Variants in PSMD11 observed in about 807,000 individuals in gnomAD.
PSMD11 encodes proteasome 26S subunit, non-ATPase 11.
PSMD11 carries 5 observed loss-of-function variants against 62.3 expected under a neutral mutation model. The observed-to-expected ratio is 0.08, with a 90% CI of 0.04 to 0.17. PSMD11 has a LOEUF of 0.17. PSMD11 is among the 10% of genes least tolerant of loss of function. The probability of loss-of-function intolerance (pLI) is 1.00; values close to 1 mark genes in which losing one functional copy is unlikely to be tolerated. For missense variants in PSMD11, 310 were observed against 512.9 expected, an observed-to-expected ratio of 0.60 and a Z score of 3.82; for synonymous variants, 191 against 191.8, an observed-to-expected ratio of 1.00 and a Z score of 0.03.
At chr17:32,454,388 C>G in intron 2 of PSMD11, 107 bp from the exon 3 acceptor site, 1 of 1,121,128 alleles carries the variant, frequency 8.9e-7, no homozygotes, top group Non-Finnish European at 1.3e-6. Flanking sequence ...TAGACTGATT[C>G]CAGTGATGTA....
intron 3 of PSMD11, among the ~76,000 whole-genome samples, chr17:32,463,694 C>T (rs906439440): frequency 1.3e-5 from 2 of 152,204 alleles, no homozygotes; most frequent in Admixed American, 6.5e-5. Flanking sequence ...ATTACTATTT[C>T]TAACCAGGGA....
intron 2 of PSMD11, among the ~76,000 whole-genome samples, chr17:32,454,283 T>C (rs1597831949): frequency 6.6e-6 from 1 of 152,140 alleles, no homozygotes; most frequent in Admixed American, 6.5e-5. Flanking sequence ...AGTGGCTGAG[T>C]AGGGAACAGA....
intron 6 of PSMD11, among the ~76,000 whole-genome samples, chr17:32,472,422 C>T (rs1477193524): frequency 6.6e-6 from 1 of 151,484 alleles, no homozygotes; most frequent in African/African-American, 2.4e-5. Flanking sequence ...GGCGTTTTGC[C>T]TTGTTGGCCA....
At chr17:32,478,870 T>C (rs1908406763) in intron 9 of PSMD11, among the ~76,000 whole-genome samples, 1 of 152,168 alleles carries the variant, frequency 6.6e-6, no homozygotes, top group East Asian at 1.9e-4. Flanking sequence ...AGATGGTCCC[T>C]AGGGTGACTC....
At chr17:32,446,304 G>C (rs957706970) in intron 1 of PSMD11, among the ~76,000 whole-genome samples, 1 of 152,156 alleles carries the variant, frequency 6.6e-6, no homozygotes, top group Non-Finnish European at 1.5e-5. Context: ...GTTGAAAATA[G>C]GACAGATAGC....
In PSMD11 at chr17:32,468,887, G is replaced by A. The variant is rs939221976; in HGVS notation, c.449-112G>A. On this transcript the variant is annotated intron_variant, in intron 5 of 13. Coordinates refer to ENST00000261712, the MANE Select transcript of PSMD11 (RefSeq NM_002815.4). ...GGGGTCTAGAGGTAACCTTTTTTGA[G>A]TTCAGGAATTTTTTTTTTTTTTTAA... 82 of 1,053,666 alleles carry A rather than the reference G, an allele frequency of 7.8e-5. No homozygotes were observed. The African/African-American group carries it at 1.2e-3, about 15-fold the overall frequency. The allele number at this position is 1,053,666 out of a possible 1,614,324, so 65.3% of individuals were successfully genotyped here.
intron 10 of PSMD11, 148 bp from the exon 11 acceptor site, chr17:32,479,703 C>T: frequency 1.1e-6 from 1 of 896,696 alleles, no homozygotes; most frequent in South Asian, 1.6e-5. Context: ...GGCAGATGGG[C>T]AGAGAACAAG....
At chr17:32,452,465 G>A (rs1907534169) in intron 2 of PSMD11, among the ~76,000 whole-genome samples, 1 of 152,190 alleles carries the variant, frequency 6.6e-6, no homozygotes, top group African/African-American at 2.4e-5. Context: ...TCAGCATCTG[G>A]AATCATGGTT....
chr17:32,456,376 A>AT (rs1235135334), intron 3 of PSMD11, among the ~76,000 whole-genome samples: 11 of 150,252 alleles, frequency 7.3e-5, no homozygotes, highest in Admixed American at 6.7e-5. Context: ...AACAGCATTT[A>AT]TTTTTTTTTA....
In PSMD11 at chr17:32,480,292, G is replaced by A. The variant is rs567068026; in HGVS notation, c.1126+95G>A. The A allele has an allele frequency of 3.0e-4, 453 of 1,533,360 alleles. 9 individuals are homozygous for A. The South Asian group carries it at 4.8e-3, about 16-fold the overall frequency. The allele number at this position is 1,533,360 out of a possible 1,614,324, so 95.0% of individuals were successfully genotyped here. ...AGAAGATGTTCTATTTGTTTCCCCCGATGGTTCACCCTGGGGTCCTGGCCC... is the reference window on the plus strand; with the variant it reads ...AGAAGATGTTCTATTTGTTTCCCCCAATGGTTCACCCTGGGGTCCTGGCCC... On this transcript the variant is annotated intron_variant, in intron 12 of 13. Coordinates refer to ENST00000261712, the MANE Select transcript of PSMD11 (RefSeq NM_002815.4).
At position 32,479,443 on chromosome 17, in the gene PSMD11, C is replaced by T. The variant is rs191761038; in HGVS notation, c.1038+67C>T. The stretch of plus-strand genomic sequence containing the variant: ...CACTGTAGCCACCTCCCTTCCACAC[C>T]TGTCCAGAATGGGAACTCACTTCTA... On this transcript the variant is annotated intron_variant, in intron 10 of 13. Transcript: ENST00000261712. The T allele has an allele frequency of 2.6e-5, 41 of 1,581,280 alleles. No individual in the cohort carries two copies. In the East Asian group the frequency reaches 8.7e-4, roughly 34 times the overall value.
In PSMD11 at chr17:32,458,014, T is replaced by C. The variant is rs182200336; in HGVS notation, c.318+3395T>C. On this transcript the variant is annotated intron_variant, in intron 3 of 13. Coordinates refer to ENST00000261712, the MANE Select transcript of PSMD11 (RefSeq NM_002815.4). ...CGGAGTTTCACCATGTTGGCCAGGC[T>C]GGTCTCGAACTCCTGACCTTGTGAT... Among the ~76,000 whole-genome samples the C allele has an allele frequency of 1.9e-3, 282 of 152,300 alleles. 1 individual carries two copies. The highest frequency in any genetic ancestry group is 5.8e-3 in the Admixed American group (89 of 15,292).
At position 32,454,819 on chromosome 17, in the gene PSMD11, G is replaced by A. The variant is rs148245607; in HGVS notation, c.318+200G>A. 1,947 of 499,258 alleles carry A rather than the reference G, an allele frequency of 3.9e-3. 7 individuals are homozygous for A. Among genetic ancestry groups the A allele is most frequent in the Admixed American group, 5.7e-3 (151 of 26,302 alleles). The allele number at this position is 499,258 out of a possible 1,614,324, so 30.9% of individuals were successfully genotyped here. A position where few individuals can be genotyped will look rare whatever the true frequency, so the allele number is the denominator to read the frequency against. ...ATGCTTTGCTTTGTAAGTGGAGATT[G>A]TCAGTGGTCCCTGGAATCCTCATTA... On this transcript the variant is annotated intron_variant, in intron 3 of 13. Coordinates refer to ENST00000261712, the MANE Select transcript of PSMD11 (RefSeq NM_002815.4).
intron 3 of PSMD11, among the ~76,000 whole-genome samples, chr17:32,463,050 G>T (rs1336360142): frequency 6.6e-6 from 1 of 152,220 alleles, no homozygotes; most frequent in African/African-American, 2.4e-5. Flanking sequence ...TTAGTTCTCT[G>T]GAGAGCTCAG....
intron 3 of PSMD11, among the ~76,000 whole-genome samples, chr17:32,455,338 C>T (rs12165057): frequency 0.027 from 4,123 of 152,278 alleles, 167 homozygotes; most frequent in African/African-American, 0.095. Flanking sequence ...GTGCCTGCTA[C>T]GTGTTAGGCA....
chr17:32,445,796 T>TA (rs1339678641), intron 1 of PSMD11: 1 of 152,252 alleles, frequency 6.6e-6, no homozygotes, highest in African/African-American at 2.4e-5. Flanking sequence ...AAGATCTTGA[T>TA]ACTTTATCAT....
chr17:32,473,733 C>T, intron 6 of PSMD11, 68 bp from the exon 7 acceptor site: 1 of 1,546,276 alleles, frequency 6.5e-7, no homozygotes, highest in Non-Finnish European at 8.8e-7. Flanking sequence ...TCTAAGCTGC[C>T]TCCCAGCTCT....
intron 5 of PSMD11, among the ~76,000 whole-genome samples, chr17:32,467,242 CT>C (rs751751489): frequency 2.1e-3 from 252 of 120,528 alleles, no homozygotes; most frequent in African/African-American, 6.5e-3. Context: ...CATGCCCGGC[CT>C]TTTTTTTTTT....
chr17:32,475,161 A>G (rs1222795723), intron 8 of PSMD11, among the ~76,000 whole-genome samples: 1 of 152,186 alleles, frequency 6.6e-6, no homozygotes, highest in Non-Finnish European at 1.5e-5. Flanking sequence ...GCAGGGTATG[A>G]AATCTTAGAT....
Sources: gnomAD v4.1 joint callset for allele counts (sites outside exome capture counted in the v4.1 genomes callset) on GRCh38, gnomAD v4.1.1 for gene constraint, MANE v1.5 for transcripts, NCBI Gene and HGNC (gene_info 2026-07-23, HGNC 2026-07-21) for gene names.